The following PAPSS1 variants were observed in gnomAD, a reference collection of about 807,000 sequenced individuals.
PAPSS1 encodes bifunctional 3'-phosphoadenosine 5'-phosphosulfate synthase 1.
Under a neutral mutation model 72.0 loss-of-function variants are expected in PAPSS1, and 50 were observed. That is an observed-to-expected ratio of 0.69 (90% CI 0.55 to 0.88). The LOEUF is 0.88. Ranked by LOEUF, PAPSS1 falls within the 40% of genes least tolerant of loss-of-function variation. The pLI, the probability that PAPSS1 is intolerant of heterozygous loss-of-function variation, is 0.00. For synonymous variants in PAPSS1, 261 were observed against 263.6 expected (o/e 0.99, Z 0.09); for missense variants, 657 against 782.2 (o/e 0.84, Z 1.91).
chr4:107,710,349 T>C (rs974895155), intron 1 of PAPSS1, among the ~76,000 whole-genome samples: 2 of 152,186 alleles, frequency 1.3e-5, no homozygotes, highest in African/African-American at 2.4e-5. Context: ...TCAGTGTAAG[T>C]ATGTGTACCT....
At chr4:107,665,037 T>A (rs1310657855) in intron 5 of PAPSS1, among the ~76,000 whole-genome samples, 2 of 152,162 alleles carry the variant, frequency 1.3e-5, no homozygotes, top group Non-Finnish European at 2.9e-5. Flanking sequence ...AATGCCAAAA[T>A]AAACATTCGA....
chr4:107,686,136 C>T (rs1722781313), intron 4 of PAPSS1, among the ~76,000 whole-genome samples: 2 of 152,102 alleles, frequency 1.3e-5, no homozygotes, highest in Non-Finnish European at 2.9e-5. Flanking sequence ...TAAATTTCTC[C>T]CTCAATGTCT....
At chr4:107,635,501 C>T (rs913875246) in intron 10 of PAPSS1, among the ~76,000 whole-genome samples, 3 of 152,104 alleles carry the variant, frequency 2.0e-5, no homozygotes, top group South Asian at 2.1e-4. Context: ...AATTCAATGA[C>T]CTCTGCATTT....
intron 4 of PAPSS1, among the ~76,000 whole-genome samples, chr4:107,685,697 GC>G (rs1478182931): frequency 6.6e-6 from 1 of 152,184 alleles, no homozygotes; most frequent in Admixed American, 6.5e-5. Flanking sequence ...GGTCAGCCTT[GC>G]CCATGGAACT....
chr4:107,716,325 G>A (rs1302381135), intron 1 of PAPSS1, among the ~76,000 whole-genome samples: 3 of 152,180 alleles, frequency 2.0e-5, no homozygotes, highest in Non-Finnish European at 2.9e-5. Flanking sequence ...CCTGACAAAG[G>A]GTAACAGGCA....
chr4:107,615,806 T>G (rs1384607676), intron 11 of PAPSS1, among the ~76,000 whole-genome samples: 1 of 152,048 alleles, frequency 6.6e-6, no homozygotes, highest in Non-Finnish European at 1.5e-5. Context: ...GCCAAAAGGG[T>G]GGGCCCCCTA....
intron 5 of PAPSS1, among the ~76,000 whole-genome samples, chr4:107,681,133 T>C (rs1369501998): frequency 6.6e-6 from 1 of 152,108 alleles, no homozygotes. Context: ...GTTTATAAAA[T>C]ACACTAGATG....
intron 1 of PAPSS1, among the ~76,000 whole-genome samples, chr4:107,708,804 A>C (rs1027538567): frequency 2.0e-5 from 3 of 152,178 alleles, no homozygotes; most frequent in Non-Finnish European, 4.4e-5. Flanking sequence ...GTTAAGCCTA[A>C]AGCTACCTCT....
At chr4:107,626,002 C>T (rs958984807) in intron 11 of PAPSS1, among the ~76,000 whole-genome samples, 1 of 150,404 alleles carries the variant, frequency 6.6e-6, no homozygotes, top group Non-Finnish European at 1.5e-5. Context: ...CACAGTGAAA[C>T]CCCATCTCTA....
rs552686618 is a variant in PAPSS1, at chr4:107,702,913, A to AT, written c.61-1629dup. On this transcript the variant is annotated intron_variant, in intron 1 of 11. Coordinates refer to ENST00000265174, the MANE Select transcript of PAPSS1 (RefSeq NM_005443.5). ...GGATCATATGGTAGTTCTACTTCTA[A>AT]TTTTTTGAGGAACCTCCATATTGAT... Among the ~76,000 whole-genome samples, 485 of 152,220 alleles carry AT rather than the reference A, an allele frequency of 3.2e-3. 4 individuals carry two copies. The highest frequency in any genetic ancestry group is 5.4e-3 in the Non-Finnish European group (365 of 67,998).
chr4:107,638,660 T>A (rs770422708), intron 10 of PAPSS1, among the ~76,000 whole-genome samples: 2 of 151,366 alleles, frequency 1.3e-5, no homozygotes, highest in Non-Finnish European at 2.9e-5. Context: ...GCCCTCCCAC[T>A]GATTATTATT....
chr4:107,618,439 G>A lies in PAPSS1; in HGVS notation c.1737-4052C>T, dbSNP rs113863461. ...GTTATATAGGCAGGAGAAAATAAGTGGCAAGAATGAGAAAGGGGAGGAGGA... is the reference window on the plus strand; with the variant it reads ...GTTATATAGGCAGGAGAAAATAAGTAGCAAGAATGAGAAAGGGGAGGAGGA... On this transcript the variant is annotated intron_variant, in intron 11 of 11. Transcript: ENST00000265174. Among the ~76,000 whole-genome samples the A allele has an allele frequency of 6.8e-4, 103 of 151,316 alleles. 1 individual carries two copies. The highest frequency in any genetic ancestry group is 2.4e-3 in the Admixed American group (36 of 15,190).
At chr4:107,698,537 G>A (rs1243777537) in intron 2 of PAPSS1, among the ~76,000 whole-genome samples, 2 of 152,130 alleles carry the variant, frequency 1.3e-5, no homozygotes, top group African/African-American at 4.8e-5. Context: ...GGGGAGGACA[G>A]GGGGCAAACC....
rs1723193921 is a variant in PAPSS1, at chr4:107,701,146, ACTG to A, written c.175+22_175+24del. 10 of 1,509,236 alleles carry A rather than the reference ACTG, an allele frequency of 6.6e-6. No homozygotes were observed. In the East Asian group the frequency reaches 2.3e-4, roughly 34 times the overall value. The allele number at this position is 1,509,236 out of a possible 1,614,324, so 93.5% of individuals were successfully genotyped here. Reference sequence around the variant, plus strand: ...CCTATATGCACTGCTTTTAAAATAAACTGCTTTCTCTCTCTTGACCATACCTGT... The same window carrying A: ...CCTATATGCACTGCTTTTAAAATAAACTTTCTCTCTCTTGACCATACCTGT... On this transcript the variant is annotated intron_variant, in intron 2 of 11. Transcript: ENST00000265174.
chr4:107,641,876 C>T (rs937842396), intron 10 of PAPSS1, among the ~76,000 whole-genome samples: 2 of 151,968 alleles, frequency 1.3e-5, no homozygotes, highest in African/African-American at 2.4e-5. Flanking sequence ...GGCTAGAATC[C>T]TAGAAATGCA....
intron 10 of PAPSS1, among the ~76,000 whole-genome samples, chr4:107,639,618 T>C (rs1726485331): frequency 1.3e-5 from 2 of 152,128 alleles, no homozygotes; most frequent in Non-Finnish European, 2.9e-5. Flanking sequence ...CTCAATAAAC[T>C]TTGGAACAAG....
intron 10 of PAPSS1, among the ~76,000 whole-genome samples, chr4:107,633,872 T>G (rs960159014): frequency 7.7e-6 from 1 of 130,616 alleles, no homozygotes; most frequent in Non-Finnish European, 1.5e-5. Context: ...TGAGCTGAGA[T>G]AGCACCACTG....
intron 10 of PAPSS1, among the ~76,000 whole-genome samples, chr4:107,633,813 G>T (rs1196459006): frequency 6.6e-6 from 1 of 151,882 alleles, no homozygotes; most frequent in East Asian, 1.9e-4. Flanking sequence ...CAGCTACTCG[G>T]GAGGCTGAGG....
intron 10 of PAPSS1, among the ~76,000 whole-genome samples, chr4:107,635,485 C>T (rs1726349835): frequency 6.6e-6 from 1 of 152,132 alleles, no homozygotes; most frequent in Admixed American, 6.5e-5. Context: ...GCTCATCCAA[C>T]ATGTCAATTC....
Sources: gnomAD v4.1 joint callset for allele counts (sites outside exome capture counted in the v4.1 genomes callset) on GRCh38, gnomAD v4.1.1 for gene constraint, MANE v1.5 for transcripts, NCBI Gene and HGNC (gene_info 2026-07-23, HGNC 2026-07-21) for gene names.